The following IFIT1 variants were observed in gnomAD, a reference collection of about 807,000 sequenced individuals.
IFIT1 encodes interferon induced protein with tetratricopeptide repeats 1.
IFIT1 carries 1 observed loss-of-function variant against 2.5 expected under a neutral mutation model. The ratio of observed to expected loss-of-function variants is 0.40; its 90% CI spans 0.14 to 1.92. The LOEUF is 1.92. IFIT1 is among the 40% of genes most tolerant of loss of function. The probability of loss-of-function intolerance (pLI) is 0.31; values close to 1 mark genes in which losing one functional copy is unlikely to be tolerated. For synonymous variants in IFIT1, 191 were observed against 201.7 expected, an observed-to-expected ratio of 0.95 and a Z score of 0.45; for missense variants, 508 against 557.8, an observed-to-expected ratio of 0.91 and a Z score of 0.90.
In IFIT1 at chr10:89,403,669, G is replaced by A. The variant is rs201342263; in HGVS notation, c.1394G>A (p.Arg465Lys). The change falls in exon 2 of 2, where the codon AGA (arginine) becomes AAA (lysine). Residue 465 changes from arginine to lysine, a missense_variant. Transcript: ENST00000371804. ...CTGGAGTACTATGAGCGGGCCCTGA[G>A]ACTGGCTGCTGACTTTGAGAACTCT... ...EALEYYERAL[R>K]LAADFENSVR... is the part of the protein sequence containing the mutation. 6.9e-6 allele frequency: 11 copies of A among 1,605,394 alleles called. No homozygotes were observed. Among genetic ancestry groups the A allele is most frequent in the African/African-American group, 6.7e-5 (5 of 74,446 alleles).
In IFIT1 at chr10:89,400,956, G is replaced by GTT. The variant is rs151176238; in HGVS notation, c.6-1316_6-1315dup. Among the ~76,000 whole-genome samples, 1,099 of 146,636 alleles carry GTT rather than the reference G, an allele frequency of 7.5e-3. 12 individuals are homozygous for GTT. Among genetic ancestry groups the GTT allele is most frequent in the African/African-American group, 0.025 (1,004 of 40,516 alleles). ...CCCCTGTATTAGTAGTCTATAGTCT[G>GTT]TTTTTTTTTTCATAAAGGGTGTTGA... On this transcript the variant is annotated intron_variant, in intron 1 of 1. Transcript: ENST00000371804.
Position 89,403,282 on chromosome 10 carries a change from A to G in IFIT1, c.1007A>G (p.Lys336Arg). 6.2e-7 allele frequency: 1 copy of G among 1,614,208 alleles called. No individual in the cohort carries two copies. Among genetic ancestry groups the G allele is most frequent in the Non-Finnish European group, 8.5e-7 (1 of 1,180,054 alleles). The change falls in exon 2 of 2, where the codon AAG (lysine) becomes AGG (arginine). Residue 336 changes from lysine to arginine, a missense_variant. By Grantham distance (26) the Lys-to-Arg change is conservative. Coordinates refer to ENST00000371804, the MANE Select transcript of IFIT1 (RefSeq NM_001548.5). ...CATTTTGAATCTGCAGTGGAAAAAA[A>G]GCCCACATTTGAGGTGGCTCATCTA... ...IFHFESAVEKKPTFEVAHLDL... is the reference protein window; with the variant it reads ...IFHFESAVEKRPTFEVAHLDL...
chr10:89,401,283 A>AT (rs545455218), intron 1 of IFIT1, among the ~76,000 whole-genome samples: 55 of 148,352 alleles, frequency 3.7e-4, no homozygotes, highest in Middle Eastern at 3.4e-3. Context: ...TGCCCACCTA[A>AT]TTTTTTTTTT....
chr10:89,399,210 T>G (rs1421548351), intron 1 of IFIT1, among the ~76,000 whole-genome samples: 3 of 152,216 alleles, frequency 2.0e-5, no homozygotes, highest in Non-Finnish European at 2.9e-5. Context: ...TGCCCATTTC[T>G]TAATCAGTTG....
rs1589639694 is a variant in IFIT1 at position 89,402,796 on chromosome 10, A to C, written c.521A>C (p.Asn174Thr). Reference sequence around the variant, plus strand: ...AAGGTGCTTGAAGTGGACCCTGAAAACCCTGAATCCAGCGCTGGGTATGCG... The same window carrying C: ...AAGGTGCTTGAAGTGGACCCTGAAACCCCTGAATCCAGCGCTGGGTATGCG... Reference protein sequence around the residue: ...FEKVLEVDPENPESSAGYAIS... With the variant: ...FEKVLEVDPETPESSAGYAIS... The change falls in exon 2 of 2, where the codon AAC becomes ACC. Residue 174 changes from asparagine to threonine, a missense_variant. Physicochemically the swap from Asn to Thr is moderately conservative, Grantham distance 65. Coordinates refer to ENST00000371804, the MANE Select transcript of IFIT1 (RefSeq NM_001548.5). The C allele has an allele frequency of 6.2e-7, 1 of 1,614,156 alleles. No homozygotes were observed. Among genetic ancestry groups the C allele is most frequent in the Non-Finnish European group, 8.5e-7 (1 of 1,180,046 alleles).
chr10:89,395,199 G>C (rs1844324046), intron 1 of IFIT1, among the ~76,000 whole-genome samples: 1 of 133,982 alleles, frequency 7.5e-6, no homozygotes, highest in Non-Finnish European at 1.5e-5. Flanking sequence ...ACCCCACATG[G>C]ACCAGGCAGA....
In IFIT1 at chr10:89,406,468, A is replaced by G. The variant is rs192996308; in HGVS notation, c.*2756A>G. 2.4e-3 allele frequency: 363 copies of G among 152,362 alleles called. 1 individual carries two copies. Among genetic ancestry groups the G allele is most frequent in the Non-Finnish European group, 3.7e-3 (253 of 68,088 alleles). The allele number at this position is 152,362 out of a possible 1,614,324, so 9.4% of individuals were successfully genotyped here. ...GAAGTTTTGTTCTTTCGCTCTTTCA[A>G]TAAATCTTGCTGCTGCTCACTCTTT... On this transcript the variant is annotated 3_prime_UTR_variant, in exon 2 of 2. Transcript: ENST00000371804.
At position 89,396,261 on chromosome 10, in the gene IFIT1, A is replaced by T. The variant is rs115935663; in HGVS notation, c.5+3544A>T. ...AATTTCTCCACATCCTTATTGCCTT[A>T]GTCCTTTTTGTGTTGCTATAGAAGA... On this transcript the variant is annotated intron_variant, in intron 1 of 1. Coordinates refer to ENST00000371804, the MANE Select transcript of IFIT1 (RefSeq NM_001548.5). Among the ~76,000 whole-genome samples, 629 of 152,328 alleles carry T rather than the reference A, an allele frequency of 4.1e-3. 10 individuals carry two copies. Among genetic ancestry groups the T allele is most frequent in the African/African-American group, 0.014 (567 of 41,574 alleles).
rs1419064941 is a variant in IFIT1 at position 89,405,728 on chromosome 10, C to CT, written c.*2017dup. 1.3e-5 allele frequency: 2 copies of CT among 152,272 alleles called. No individual in the cohort carries two copies. The highest frequency in any genetic ancestry group is 1.3e-4 in the Admixed American group (2 of 15,286). The allele number at this position is 152,272 out of a possible 1,614,324, so 9.4% of individuals were successfully genotyped here. A position where few individuals can be genotyped will look rare whatever the true frequency, so the allele number is the denominator to read the frequency against. ...CCTTCTTCACATCTCCTTCTCTCCT[C>CT]TGACTCTTTTGCCTCTTTCTTCTAA... On this transcript the variant is annotated 3_prime_UTR_variant, in exon 2 of 2. Transcript: ENST00000371804.
chr10:89,403,361 T>A lies in IFIT1; in HGVS notation c.1086T>A (p.Asn362Lys). Residue 362 changes from asparagine (N) to lysine (K), a missense_variant, in exon 2 of 2, where the codon AAT (asparagine) becomes AAA (lysine). Physicochemically the swap from Asn to Lys is moderately conservative, Grantham distance 94. Coordinates refer to ENST00000371804, the MANE Select transcript of IFIT1 (RefSeq NM_001548.5). ...EAGNHRKAEE[N>K]FQKLLCMKPV... ...GCAATCACAGAAAAGCTGAAGAGAA[T>A]TTTCAAAAATTGTTATGCATGAAAC... 6.2e-7 allele frequency: 1 copy of A among 1,613,086 alleles called. No homozygotes were observed. The highest frequency in any genetic ancestry group is 8.5e-7 in the Non-Finnish European group (1 of 1,179,610).
Position 89,402,975 on chromosome 10 carries a change from G to A in IFIT1, c.700G>A (p.Ala234Thr), listed in dbSNP as rs1321296852. ...ALKLQDEGQE[A>T]EGEKYIEEAL... The stretch of plus-strand genomic sequence containing the variant: ...GAAGCTTCAGGATGAAGGACAGGAA[G>A]CTGAAGGAGAAAAGTACATTGAAGA... The change falls in exon 2 of 2, where the codon GCT (alanine) becomes ACT (threonine). Residue 234 changes from alanine to threonine, a missense_variant. By Grantham distance (58) the Ala-to-Thr change is moderately conservative. Coordinates refer to ENST00000371804, the MANE Select transcript of IFIT1 (RefSeq NM_001548.5). The A allele has an allele frequency of 1.2e-6, 2 of 1,613,964 alleles. No homozygotes were observed. Among genetic ancestry groups the A allele is most frequent in the East Asian group, 4.5e-5 (2 of 44,908 alleles).
chr10:89,395,672 G>A (rs920978648), intron 1 of IFIT1, among the ~76,000 whole-genome samples: 4 of 152,088 alleles, frequency 2.6e-5, no homozygotes, highest in African/African-American at 7.2e-5. Context: ...TAGATCAGAC[G>A]CTTAGGCATT....
At position 89,404,875 on chromosome 10, in the gene IFIT1, C is replaced by T. The variant is rs1358548915; in HGVS notation, c.*1163C>T. On this transcript the variant is annotated 3_prime_UTR_variant, in exon 2 of 2. Coordinates refer to ENST00000371804, the MANE Select transcript of IFIT1 (RefSeq NM_001548.5). The stretch of plus-strand genomic sequence containing the variant: ...TACTCAGGAGGCTGAGGTGAGTGGA[C>T]TGCTGGAGCCAGGGAGTTCGAGGCT... The T allele has an allele frequency of 6.6e-6, 1 of 151,940 alleles. No individual in the cohort carries two copies. The highest frequency in any genetic ancestry group is 2.4e-5 in the African/African-American group (1 of 41,322). The allele number at this position is 151,940 out of a possible 1,614,324, so 9.4% of individuals were successfully genotyped here.
rs1390867810 is a variant in IFIT1 at position 89,405,019 on chromosome 10, A to C, written c.*1307A>C. 2.6e-5 allele frequency: 4 copies of C among 152,236 alleles called. No homozygotes were observed. Among genetic ancestry groups the C allele is most frequent in the African/African-American group, 9.6e-5 (4 of 41,470 alleles). The allele number at this position is 152,236 out of a possible 1,614,324, so 9.4% of individuals were successfully genotyped here. On this transcript the variant is annotated 3_prime_UTR_variant, in exon 2 of 2. Coordinates refer to ENST00000371804, the MANE Select transcript of IFIT1 (RefSeq NM_001548.5). ...CTTGTGATTTTATGTCAACACTATC[A>C]ATAAATAGCTTTCAGTGCAAGAAAC...
Position 89,402,725 on chromosome 10 carries a change from G to T in IFIT1, c.450G>T (p.Leu150=), listed in dbSNP as rs764732718. 4 of 1,614,224 alleles carry T rather than the reference G, an allele frequency of 2.5e-6. No homozygotes were observed. In the East Asian group the frequency reaches 8.9e-5, roughly 36 times the overall value. The stretch of plus-strand genomic sequence containing the variant: ...ACTGTGAGGAAGGATGGGCCTTGCT[G>T]AAGTGTGGAGGAAAAAATTATGAAC... ...EIDCEEGWAL[L]KCGGKNYERA... The change falls in exon 2 of 2, where the codon CTG becomes CTT. Residue 150 remains leucine, a synonymous_variant. Coordinates refer to ENST00000371804, the MANE Select transcript of IFIT1 (RefSeq NM_001548.5).
intron 1 of IFIT1, chr10:89,393,351 T>C: frequency 2.5e-5 from 30 of 1,199,916 alleles, no homozygotes; most frequent in Non-Finnish European, 3.3e-5. Flanking sequence ...GGTACGTCCT[T>C]GACTGAAGAT....
rs1844483784 is a variant in IFIT1 at position 89,403,807 on chromosome 10, T to C, written c.*95T>C. On this transcript the variant is annotated 3_prime_UTR_variant, in exon 2 of 2. Coordinates refer to ENST00000371804, the MANE Select transcript of IFIT1 (RefSeq NM_001548.5). ...CTTACTGTTTTCAGAAACATTATAA[T>C]TCACTGTAATGATGTAATTCTTGAA... 1 of 686,974 alleles carries C rather than the reference T, an allele frequency of 1.5e-6. No individual in the cohort carries two copies. The allele number at this position is 686,974 out of a possible 1,614,324, so 42.6% of individuals were successfully genotyped here. A position where few individuals can be genotyped will look rare whatever the true frequency, so the allele number is the denominator to read the frequency against.
Position 89,405,940 on chromosome 10 carries a change from A to G in IFIT1, c.*2228A>G, listed in dbSNP as rs1844523791. ...CACAGAGCACCCCAAGAAAATCTCC[A>G]AATTTTGGGCTTCCAATCCATTTTG... On this transcript the variant is annotated 3_prime_UTR_variant, in exon 2 of 2. Coordinates refer to ENST00000371804, the MANE Select transcript of IFIT1 (RefSeq NM_001548.5). The G allele has an allele frequency of 1.3e-5, 2 of 152,164 alleles. No homozygotes were observed. Among genetic ancestry groups the G allele is most frequent in the Non-Finnish European group, 2.9e-5 (2 of 68,028 alleles). 9.4% of individuals were successfully genotyped at this position (152,164 alleles called of 1,614,324 possible). A position where few individuals can be genotyped will look rare whatever the true frequency, so the allele number is the denominator to read the frequency against.
chr10:89,398,939 C>T (rs1301808836), intron 1 of IFIT1, among the ~76,000 whole-genome samples: 57 of 152,158 alleles, frequency 3.7e-4, no homozygotes, highest in Non-Finnish European at 1.0e-4. Flanking sequence ...GTTAATTTTT[C>T]TGAGGAATTA....
Sources: allele counts gnomAD v4.1 joint callset (sites outside exome capture counted in the v4.1 genomes callset), GRCh38; gene constraint gnomAD v4.1.1; transcripts MANE v1.5; gene names NCBI Gene and HGNC (gene_info 2026-07-23, HGNC 2026-07-21).